Variants in KMT2C observed in about 807,000 individuals in gnomAD.
KMT2C encodes the protein lysine methyltransferase 2C, also known as histone-lysine N-methyltransferase 2C.
KMT2C carries 88 observed loss-of-function variants against 507.9 expected under a neutral mutation model. The ratio of observed to expected loss-of-function variants is 0.17; its 90% confidence interval spans 0.15 to 0.21. KMT2C has a LOEUF of 0.21. Ranked by LOEUF, KMT2C falls within the 10% of genes least tolerant of loss-of-function variation. The probability of loss-of-function intolerance (pLI) is 1.00; values close to 1 mark genes in which losing one functional copy is unlikely to be tolerated. For missense variants in KMT2C, 4,954 were observed against 5,957.8 expected, an observed-to-expected ratio of 0.83 and a Z score of 5.55; for synonymous variants, 2,049 against 2,080.8, an observed-to-expected ratio of 0.98 and a Z score of 0.42.
At chr7:152,290,469 C>T (rs2096409454) in intron 6 of KMT2C, among the ~76,000 whole-genome samples, 1 of 150,070 alleles carries the variant, frequency 6.7e-6, no homozygotes. Context: ...GCTACCATGC[C>T]CGGCTGATTT....
At chr7:152,361,528 A>G (rs2097197758) in intron 1 of KMT2C, among the ~76,000 whole-genome samples, 1 of 152,050 alleles carries the variant, frequency 6.6e-6, no homozygotes, top group Non-Finnish European at 1.5e-5. Context: ...ACACCATTGC[A>G]CTCCAGCCTG....
At chr7:152,401,193 C>G (rs2097570590) in intron 1 of KMT2C, among the ~76,000 whole-genome samples, 1 of 151,120 alleles carries the variant, frequency 6.6e-6, no homozygotes, top group Non-Finnish European at 1.5e-5. Context: ...TCAAGCAATT[C>G]TCCCTGCCTC....
At chr7:152,184,867 T>C (rs1373501374) in intron 34 of KMT2C, among the ~76,000 whole-genome samples, 1 of 152,182 alleles carries the variant, frequency 6.6e-6, no homozygotes, top group Non-Finnish European at 1.5e-5. Flanking sequence ...AGCCTCAACC[T>C]CTCAAGTCTC....
chr7:152,353,007 T>A (rs1394073015), intron 2 of KMT2C, among the ~76,000 whole-genome samples: 5 of 152,170 alleles, frequency 3.3e-5, no homozygotes, highest in African/African-American at 1.2e-4. Flanking sequence ...AAAGACCTGA[T>A]TATGTGATTC....
intron 4 of KMT2C, 103 bp downstream of exon 4, chr7:152,315,035 G>A (rs2096710274): frequency 1.0e-6 from 1 of 978,164 alleles, no homozygotes; most frequent in Non-Finnish European, 1.5e-6. Context: ...AGGAGAAACT[G>A]TTCAACAAGA....
At chr7:152,152,616 T>C (rs1053807173) in intron 49 of KMT2C, 89 bp downstream of exon 49, 1 of 1,479,052 alleles carries the variant, frequency 6.8e-7, no homozygotes, top group Non-Finnish European at 9.3e-7. Flanking sequence ...TACCTGTCCG[T>C]TGTTAAAAGA....
chr7:152,215,656 T>C (rs980457997), intron 23 of KMT2C, among the ~76,000 whole-genome samples: 1 of 146,834 alleles, frequency 6.8e-6, no homozygotes, highest in African/African-American at 2.6e-5. Flanking sequence ...CAGTAAATAG[T>C]AGTAAGACAA....
In KMT2C at chr7:152,144,809, A is replaced by C; in HGVS notation, c.14247T>G (p.Pro4749=). The change falls in exon 55 of 59, where the codon CCT becomes CCG. Residue 4749 remains proline, a synonymous_variant. Coordinates refer to ENST00000262189, the MANE Select transcript of KMT2C (RefSeq NM_170606.3). This position sits in a 1 kb window ranked among gnomAD's most constrained non-coding sequence, Gnocchi z 4.4. ...TGGAGTGAACAAACTGTTTACTATAAGGTGCGTTCAGTTCTCCAGTGACTG... is the reference window on the plus strand; with the variant it reads ...TGGAGTGAACAAACTGTTTACTATACGGTGCGTTCAGTTCTCCAGTGACTG... ...QSTVTGELNA[P]YSKQFVHSKS... is the part of the protein sequence containing the mutation. 1.2e-6 allele frequency: 2 copies of C among 1,614,174 alleles called. 1 individual carries two copies. The highest frequency in any genetic ancestry group is 4.5e-5 in the East Asian group (2 of 44,882).
At chr7:152,332,183 G>A (rs746228538) in intron 2 of KMT2C, among the ~76,000 whole-genome samples, 2 of 152,014 alleles carry the variant, frequency 1.3e-5, no homozygotes, top group Non-Finnish European at 2.9e-5. Flanking sequence ...TTCTTTCTCA[G>A]GAGGCAGCCT....
chr7:152,185,745 G>A (rs1259461594), intron 33 of KMT2C, 114 bp from the exon 34 acceptor site: 32 of 779,922 alleles, frequency 4.1e-5, no homozygotes, highest in Non-Finnish European at 2.2e-6. Flanking sequence ...GTATTCTCAT[G>A]AGGTCATAGA....
intron 1 of KMT2C, among the ~76,000 whole-genome samples, chr7:152,385,806 G>C (rs1459766246): frequency 6.6e-6 from 1 of 151,536 alleles, no homozygotes; most frequent in East Asian, 1.9e-4. Flanking sequence ...TTATGCCTGA[G>C]GCCAGGTGCA....
chr7:152,155,811 T>C, intron 46 of KMT2C, 99 bp downstream of exon 46: 1 of 1,159,446 alleles, frequency 8.6e-7, no homozygotes, highest in South Asian at 1.6e-5. Flanking sequence ...TCAAATGTTT[T>C]TACATGCTAT....
intron 6 of KMT2C, among the ~76,000 whole-genome samples, chr7:152,299,007 G>C (rs914289997): frequency 1.3e-5 from 2 of 152,104 alleles, no homozygotes; most frequent in African/African-American, 4.8e-5. Context: ...GTAATAAAAA[G>C]AGGCAAACTG....
intron 53 of KMT2C, 120 bp downstream of exon 53, chr7:152,146,479 G>A (rs2091111190): frequency 5.4e-6 from 5 of 925,224 alleles, no homozygotes; most frequent in Non-Finnish European, 8.3e-6. Context: ...AAGAGAAACG[G>A]GTTAATGCAC....
intron 6 of KMT2C, among the ~76,000 whole-genome samples, chr7:152,295,871 C>T (rs1398012417): frequency 7.3e-5 from 11 of 151,152 alleles, no homozygotes; most frequent in Non-Finnish European, 1.5e-4. Context: ...TCGAGACCAT[C>T]CTAGCTAACA....
rs575769645 is a variant in KMT2C at position 152,164,700 on chromosome 7, T to A, written c.9751-874A>T. Among the ~76,000 whole-genome samples, 3 of 152,326 alleles carry A rather than the reference T, an allele frequency of 2.0e-5. No individual in the cohort carries two copies. In the East Asian group the frequency reaches 5.8e-4, roughly 29 times the overall value. ...TTCAATTTAATGGCTAACACTCAAA[T>A]TATAATTTCTGAAATCTATACAAGC... is the stretch of plus-strand genomic sequence containing the variant. On this transcript the variant is annotated intron_variant, in intron 42 of 58. Transcript: ENST00000262189.
At chr7:152,323,312 T>C (rs1289961912) in intron 3 of KMT2C, among the ~76,000 whole-genome samples, 3 of 151,926 alleles carry the variant, frequency 2.0e-5, no homozygotes, top group African/African-American at 7.2e-5. Flanking sequence ...GAAAACATGG[T>C]ATATATAAAC....
At chr7:152,336,784 A>T (rs2096939607) in intron 2 of KMT2C, among the ~76,000 whole-genome samples, 1 of 152,204 alleles carries the variant, frequency 6.6e-6, no homozygotes, top group South Asian at 2.1e-4. Context: ...TTTTTCTTGA[A>T]TATAAAATCC....
Position 152,315,227 on chromosome 7 carries a change from A to T in KMT2C, c.501T>A (p.Pro167=), listed in dbSNP as rs2129202578. Residue 167 remains proline, a synonymous_variant, in exon 4 of 59, where the codon CCT becomes CCA. Transcript: ENST00000262189. ...TGTCATCAATGTCCTTCTTGTTAGA[A>T]GGTTGGTTTCTCCATGGCAAGATAA... ...PGFILPWRNQ[P]SNKKDIDDNS... is the part of the protein sequence containing the mutation. 6.2e-7 allele frequency: 1 copy of T among 1,614,008 alleles called. No homozygotes were observed. The highest frequency in any genetic ancestry group is 8.5e-7 in the Non-Finnish European group (1 of 1,179,946).
Sources: gnomAD v4.1 joint callset for allele counts (sites outside exome capture counted in the v4.1 genomes callset) on GRCh38, gnomAD v4.1.1 for gene constraint, Gnocchi (gnomAD v3.1) non-coding constraint, MANE v1.5 for transcripts, NCBI Gene and HGNC (gene_info 2026-07-23, HGNC 2026-07-21) for gene names.